Variants in B4GALNT3 observed in about 807,000 individuals in gnomAD.
B4GALNT3 encodes the protein beta-1,4-N-acetylgalactosaminyltransferase 3.
In B4GALNT3, 86 loss-of-function variants were observed where a neutral mutation model predicts 120.2. The observed-to-expected ratio is 0.72, with a 90% CI of 0.60 to 0.86. The LOEUF is 0.86. B4GALNT3 is among the 40% of genes least tolerant of loss of function. The probability of loss-of-function intolerance (pLI) is 0.00; values close to 1 mark genes in which losing one functional copy is unlikely to be tolerated. For synonymous variants in B4GALNT3, 518 were observed against 510.4 expected (o/e 1.01, Z -0.20); for missense variants, 1,167 against 1,298.9 (o/e 0.90, Z 1.56).
chr12:549,773 G>C lies in B4GALNT3; in HGVS notation c.858G>C (p.Glu286Asp). ...DSLSLSLFTNETFLQMDEVGH... is the reference protein window; with the variant it reads ...DSLSLSLFTNDTFLQMDEVGH... ...TTCTTTCCTCCCTGCGCCCAGATGA[G>C]ACGTTCCTACAGATGGATGAGGTGG... The change falls in exon 10 of 20, where the codon GAG becomes GAC. Residue 286 changes from glutamate to aspartate, a missense_variant. Physicochemically the swap from Glu to Asp is conservative, Grantham distance 45. Coordinates refer to ENST00000266383, the MANE Select transcript of B4GALNT3 (RefSeq NM_173593.4). 6.2e-7 allele frequency: 1 copy of C among 1,613,808 alleles called. No homozygotes were observed. Among genetic ancestry groups the C allele is most frequent in the Non-Finnish European group, 8.5e-7 (1 of 1,180,052 alleles).
At chr12:557,951 C>T in intron 16 of B4GALNT3, 65 bp from the exon 17 acceptor site, 2 of 1,567,948 alleles carry the variant, frequency 1.3e-6, no homozygotes. Flanking sequence ...CTATGCCTGC[C>T]AACTTCCTCC....
In B4GALNT3 at chr12:550,324, T is replaced by G. The variant is rs776182688; in HGVS notation, c.997+412T>G. On this transcript the variant is annotated intron_variant, in intron 10 of 19. Coordinates refer to ENST00000266383, the MANE Select transcript of B4GALNT3 (RefSeq NM_173593.4). This position sits in a 1 kb window ranked among gnomAD's most constrained non-coding sequence, Gnocchi z 4.1. The stretch of plus-strand genomic sequence containing the variant: ...GATTCCTCTTGGGAGTGTTTACATT[T>G]TAAAAGACGGCCAAGATGGCCAGGC... Among the ~76,000 whole-genome samples, 4 of 152,122 alleles carry G rather than the reference T, an allele frequency of 2.6e-5. No homozygotes were observed. Among genetic ancestry groups the G allele is most frequent in the Non-Finnish European group, 5.9e-5 (4 of 68,014 alleles).
Position 553,790 on chromosome 12 carries a change from G to C in B4GALNT3, c.1867G>C (p.Glu623Gln), listed in dbSNP as rs531502676. 1.9e-6 allele frequency: 3 copies of C among 1,614,240 alleles called. No homozygotes were observed. The highest frequency in any genetic ancestry group is 2.5e-6 in the Non-Finnish European group (3 of 1,180,036). ...GGAAGAGGATATGAGTGAGGTGTTC[G>C]AGTACGTACCTGTGTTTGACCCGGT... ...EEEEDMSEVF[E>Q]YVPVFDPVVN... The change falls in exon 14 of 20, where the codon GAG becomes CAG. Residue 623 changes from glutamate (E) to glutamine (Q), a missense_variant. Coordinates refer to ENST00000266383, the MANE Select transcript of B4GALNT3 (RefSeq NM_173593.4).
chr12:504,753 TATC>T (rs1440554483), intron 1 of B4GALNT3, among the ~76,000 whole-genome samples: 1 of 152,116 alleles, frequency 6.6e-6, no homozygotes, highest in Non-Finnish European at 1.5e-5. Flanking sequence ...TGTTATTAAT[TATC>T]ATCACCATGT....
intron 1 of B4GALNT3, among the ~76,000 whole-genome samples, chr12:511,609 G>GACCTTCTTCCACCTTCC (rs1946562960): frequency 2.6e-5 from 1 of 37,824 alleles, no homozygotes; most frequent in Non-Finnish European, 5.8e-5. Flanking sequence ...TTCCACCTTC[G>GACCTTCTTCCACCTTCC]ACCTTCTTCC....
chr12:533,263 A>G (rs1946825340), intron 1 of B4GALNT3, among the ~76,000 whole-genome samples: 1 of 152,214 alleles, frequency 6.6e-6, no homozygotes, highest in South Asian at 2.1e-4. Flanking sequence ...AATGGAGGGT[A>G]TAGTCTGGGA....
rs1279002446 is a variant in B4GALNT3 at position 559,278 on chromosome 12, C to T, written c.2762-17C>T. ...GGCCTCTGGCTCATCTCACCCGAAG[C>T]TCCTGTCTGTCCACAGGCTACTGGG... On this transcript the variant is annotated splice_polypyrimidine_tract_variant and intron_variant, in intron 18 of 19. Transcript: ENST00000266383. The T allele has an allele frequency of 1.2e-6, 2 of 1,613,790 alleles. No homozygotes were observed. Among genetic ancestry groups the T allele is most frequent in the East Asian group, 4.5e-5 (2 of 44,870 alleles).
chr12:540,678 C>T (rs767321004), intron 3 of B4GALNT3, among the ~76,000 whole-genome samples: 47 of 152,178 alleles, frequency 3.1e-4, no homozygotes, highest in Middle Eastern at 3.4e-3. Context: ...GGTCAGACTC[C>T]GTGTGCTGGG....
chr12:520,727 G>C (rs1052400398), intron 1 of B4GALNT3, among the ~76,000 whole-genome samples: 2 of 99,164 alleles, frequency 2.0e-5, no homozygotes, highest in Non-Finnish European at 4.1e-5. Context: ...GGAGGCGGAG[G>C]TTGCACTGAG....
intron 1 of B4GALNT3, among the ~76,000 whole-genome samples, chr12:532,601 T>G (rs1423325020): frequency 1.3e-5 from 2 of 152,106 alleles, no homozygotes; most frequent in Non-Finnish European, 2.9e-5. Flanking sequence ...CTAATGGGAC[T>G]CTTGCTAAAG....
chr12:466,871 T>C (rs34716573), intron 1 of B4GALNT3, among the ~76,000 whole-genome samples: 47,930 of 152,000 alleles, frequency 0.32, 7,952 homozygotes, highest in Middle Eastern at 0.41. Flanking sequence ...TGGTTCCTCT[T>C]TTTTTTCAAG....
At chr12:551,258 C>T (rs1239572920) in intron 11 of B4GALNT3, among the ~76,000 whole-genome samples, 2 of 152,352 alleles carry the variant, frequency 1.3e-5, no homozygotes, top group Non-Finnish European at 2.9e-5. Flanking sequence ...CCTCAGGGCC[C>T]CCCAACACAC....
intron 3 of B4GALNT3, among the ~76,000 whole-genome samples, chr12:542,910 G>C (rs1946935176): frequency 1.3e-5 from 2 of 152,192 alleles, no homozygotes; most frequent in South Asian, 4.1e-4. Flanking sequence ...GGAGCCAGAA[G>C]CATGGAGACC....
rs141991877 is a variant in B4GALNT3, at chr12:533,126, C to T, written c.170-2040C>T. ...GTGTAACTCATGTGTCACCCAGGCA[C>T]GCCTGAACCCACAACTGCTAGCCAG... On this transcript the variant is annotated intron_variant, in intron 1 of 19. Transcript: ENST00000266383. Among the ~76,000 whole-genome samples the T allele has an allele frequency of 1.2e-4, 19 of 152,328 alleles. No individual in the cohort carries two copies. In the East Asian group the frequency reaches 3.5e-3, roughly 28 times the overall value.
rs777394109 is a variant in B4GALNT3, at chr12:548,247, C to G, written c.803C>G (p.Pro268Arg). 1 of 1,614,150 alleles carries G rather than the reference C, an allele frequency of 6.2e-7. No homozygotes were observed. Among genetic ancestry groups the G allele is most frequent in the Non-Finnish European group, 8.5e-7 (1 of 1,180,008 alleles). Reference protein sequence around the residue: ...HVEVAWRRNDPGAKFTIIDSL... With the variant: ...HVEVAWRRNDRGAKFTIIDSL... ...CTCTTCCAGTGGCGACGGAACGACC[C>G]TGGAGCCAAGTTCACCATCATTGAC... is the stretch of plus-strand genomic sequence containing the variant. Residue 268 changes from proline to arginine, a missense_variant, in exon 9 of 20, where the codon CCT becomes CGT. By Grantham distance (103) the Pro-to-Arg change is moderately radical. Around this residue, in one of 3 missense-constraint regions of B4GALNT3, gnomAD observed 983 missense variants for 1,102.5 expected, o/e 0.89. Coordinates refer to ENST00000266383, the MANE Select transcript of B4GALNT3 (RefSeq NM_173593.4). The surrounding 1 kb of genome is among the most constrained non-coding windows in gnomAD (Gnocchi z 4.9).
intron 1 of B4GALNT3, among the ~76,000 whole-genome samples, chr12:490,252 G>T (rs1476161905): frequency 6.6e-6 from 1 of 151,882 alleles, no homozygotes; most frequent in African/African-American, 2.4e-5. Flanking sequence ...AATTGGAACA[G>T]AAATCAATGA....
intron 1 of B4GALNT3, among the ~76,000 whole-genome samples, chr12:501,118 A>T (rs924730553): frequency 2.4e-4 from 36 of 150,546 alleles, no homozygotes; most frequent in African/African-American, 8.3e-4. Context: ...CAGGTGATCC[A>T]CCCCCCTCAG....
intron 1 of B4GALNT3, among the ~76,000 whole-genome samples, chr12:499,345 C>G (rs1946417960): frequency 6.6e-6 from 1 of 152,212 alleles, no homozygotes; most frequent in African/African-American, 2.4e-5. Context: ...AGCCCGTGCT[C>G]TCACTATCTA....
chr12:464,604 C>T (rs1946058533), intron 1 of B4GALNT3, among the ~76,000 whole-genome samples: 2 of 150,952 alleles, frequency 1.3e-5, no homozygotes, highest in Admixed American at 6.6e-5. Flanking sequence ...TGTACTCCAG[C>T]CTGAGTGACA....
Sources: gnomAD v4.1 joint callset for allele counts (sites outside exome capture counted in the v4.1 genomes callset) on GRCh38, gnomAD v4.1.1 for gene constraint, gnomAD v4.1.1 regional missense constraint, Gnocchi (gnomAD v3.1) non-coding constraint, MANE v1.5 for transcripts, NCBI Gene and HGNC (gene_info 2026-07-23, HGNC 2026-07-21) for gene names.